WAC: variants seen among roughly 807,000 people sequenced by gnomAD.
WAC encodes WW domain containing adaptor with coiled-coil.
Under a neutral mutation model 79.6 loss-of-function variants are expected in WAC, and 11 were observed. That is an observed-to-expected ratio of 0.14 (90% CI 0.09 to 0.23). The LOEUF is 0.23. WAC is among the 10% of genes least tolerant of loss of function. The pLI is 1.00. For missense variants in WAC, 728 were observed against 773.5 expected (o/e 0.94, Z 0.70); for synonymous variants, 304 against 276.9 (o/e 1.10, Z -0.97).
chr10:28,542,617 T>G (rs1473949765), intron 3 of WAC, among the ~76,000 whole-genome samples: 1 of 152,170 alleles, frequency 6.6e-6, no homozygotes, highest in African/African-American at 2.4e-5. Flanking sequence ...TACTGTAAAG[T>G]GATGGATGGA....
chr10:28,615,952 G>A (rs914644632), intron 11 of WAC: 13 of 413,636 alleles, frequency 3.1e-5, no homozygotes, highest in African/African-American at 1.8e-4. Context: ...GTTTACATTT[G>A]ACTCTGACAG....
At chr10:28,563,791 G>C (rs1044775445) in intron 3 of WAC, among the ~76,000 whole-genome samples, 4 of 110,732 alleles carry the variant, frequency 3.6e-5, no homozygotes, top group Non-Finnish European at 7.7e-5. Context: ...TAGTAGAGAC[G>C]GGGTTTCAAC....
rs1294218424 is a variant in WAC at position 28,611,145 on chromosome 10, A to G, written c.1288+324A>G. Reference sequence around the variant, plus strand: ...GAAAGTAAACTATGATGTGCCATATATCTTTGTGAAACATTGCATGTATTT... The same window carrying G: ...GAAAGTAAACTATGATGTGCCATATGTCTTTGTGAAACATTGCATGTATTT... On this transcript the variant is annotated intron_variant, in intron 9 of 13. Coordinates refer to ENST00000354911, the MANE Select transcript of WAC (RefSeq NM_016628.5). The G allele has an allele frequency of 5.5e-6, 4 of 731,810 alleles. No individual in the cohort carries two copies. In the Admixed American group the frequency reaches 1.2e-4, roughly 22 times the overall value. 45.3% of individuals were successfully genotyped at this position (731,810 alleles called of 1,614,324 possible).
chr10:28,560,062 C>A (rs1317355604), intron 3 of WAC, among the ~76,000 whole-genome samples: 1 of 152,128 alleles, frequency 6.6e-6, no homozygotes, highest in South Asian at 2.1e-4. Context: ...AAGAATAAGG[C>A]CAGGCGTGGT....
At chr10:28,612,029 T>A (rs1283092658) in intron 10 of WAC, 107 bp downstream of exon 10, 2 of 1,352,794 alleles carry the variant, frequency 1.5e-6, no homozygotes, top group African/African-American at 2.9e-5. Flanking sequence ...TGAGGTGTAG[T>A]GGTGGAATGA....
chr10:28,558,361 G>A (rs913191991), intron 3 of WAC, among the ~76,000 whole-genome samples: 3 of 152,152 alleles, frequency 2.0e-5, no homozygotes, highest in South Asian at 2.1e-4. Flanking sequence ...TAGGGTAAAT[G>A]CAGAAGCAGC....
rs1430134135 is a variant in WAC, at chr10:28,533,443, G to A, written c.-137G>A. On this transcript the variant is annotated 5_prime_UTR_variant, in exon 1 of 14. Transcript: ENST00000354911. ...GCGCCGGCGCCAGTAACTGGGAGCT[G>A]ATGAGAGTCGCCGAGGGCGCGCCGG... is the stretch of plus-strand genomic sequence containing the variant. The A allele has an allele frequency of 7.4e-6, 2 of 269,244 alleles. No homozygotes were observed. Among genetic ancestry groups the A allele is most frequent in the Admixed American group, 6.5e-5 (1 of 15,314 alleles). 16.7% of individuals were successfully genotyped at this position (269,244 alleles called of 1,614,324 possible).
At chr10:28,562,193 A>G (rs1838335890) in intron 3 of WAC, among the ~76,000 whole-genome samples, 1 of 152,046 alleles carries the variant, frequency 6.6e-6, no homozygotes, top group South Asian at 2.1e-4. Flanking sequence ...AGTAGCTGGG[A>G]TTGTAGGTGT....
At position 28,548,913 on chromosome 10, in the gene WAC, CAG is replaced by C. The variant is rs1410482744; in HGVS notation, c.274+13159_274+13160del. On this transcript the variant is annotated intron_variant, in intron 3 of 13. Coordinates refer to ENST00000354911, the MANE Select transcript of WAC (RefSeq NM_016628.5). The stretch of plus-strand genomic sequence containing the variant: ...TTTTGGTTTGGTTTTGTTTTTGAGG[CAG>C]AGTCTTGTCCTGTCACCCAGGCTGA... Among the ~76,000 whole-genome samples the C allele has an allele frequency of 7.9e-5, 12 of 152,106 alleles. 1 individual carries two copies. The East Asian group carries it at 2.3e-3, about 29-fold the overall frequency.
intron 9 of WAC, 128 bp downstream of exon 9, chr10:28,610,949 A>C (rs896965891): frequency 3.5e-6 from 4 of 1,135,434 alleles, no homozygotes; most frequent in Non-Finnish European, 3.6e-6. Flanking sequence ...TAGCTACAAT[A>C]ATTTTGTTTT....
chr10:28,575,904 A>G (rs1412823649), intron 3 of WAC, among the ~76,000 whole-genome samples: 1 of 152,162 alleles, frequency 6.6e-6, no homozygotes, highest in Non-Finnish European at 1.5e-5. Context: ...CTCATAATGT[A>G]TTTTTACTGT....
intron 10 of WAC, among the ~76,000 whole-genome samples, chr10:28,612,930 T>C (rs1841310204): frequency 6.6e-6 from 1 of 152,172 alleles, no homozygotes. Context: ...AAATAGTGGT[T>C]AAAAGTGAAA....
intron 7 of WAC, among the ~76,000 whole-genome samples, chr10:28,598,057 C>T (rs1840469184): frequency 6.6e-6 from 1 of 152,200 alleles, no homozygotes; most frequent in African/African-American, 2.4e-5. Context: ...TGCGAGCCAC[C>T]GTACCTGGCC....
intron 3 of WAC, among the ~76,000 whole-genome samples, chr10:28,574,537 G>A (rs1204823242): frequency 6.6e-6 from 1 of 151,948 alleles, no homozygotes; most frequent in Non-Finnish European, 1.5e-5. Context: ...CTGCCTCCCG[G>A]GTTCTGGCGA....
intron 3 of WAC, among the ~76,000 whole-genome samples, chr10:28,553,566 T>G (rs1278420856): frequency 3.9e-5 from 6 of 152,176 alleles, no homozygotes; most frequent in Non-Finnish European, 8.8e-5. Context: ...CTCATGGTGT[T>G]GAAGAACAAA....
intron 3 of WAC, among the ~76,000 whole-genome samples, chr10:28,536,386 A>G (rs1267003947): frequency 6.6e-6 from 1 of 152,192 alleles, no homozygotes; most frequent in East Asian, 1.9e-4. Context: ...TAAAGATTTC[A>G]GTTTGAGATC....
intron 3 of WAC, among the ~76,000 whole-genome samples, chr10:28,550,261 A>G (rs1351591469): frequency 6.7e-6 from 1 of 149,260 alleles, no homozygotes; most frequent in Non-Finnish European, 1.5e-5. Flanking sequence ...TAATCTAGTC[A>G]TGTAAAAGCA....
chr10:28,598,104 C>T (rs1270289206), intron 7 of WAC, among the ~76,000 whole-genome samples: 1 of 152,160 alleles, frequency 6.6e-6, no homozygotes, highest in Admixed American at 6.6e-5. Flanking sequence ...TATCTTCTTA[C>T]CCAGTCTATC....
At chr10:28,603,989 G>A (rs528313) in intron 7 of WAC, among the ~76,000 whole-genome samples, 3,549 of 25,682 alleles carry the variant, frequency 0.14, 368 homozygotes, top group African/African-American at 0.31. Context: ...ATATATATAT[G>A]TATATATATA....
Sources: gnomAD v4.1 joint callset for allele counts (sites outside exome capture counted in the v4.1 genomes callset) on GRCh38, gnomAD v4.1.1 for gene constraint, MANE v1.5 for transcripts, NCBI Gene and HGNC (gene_info 2026-07-23, HGNC 2026-07-21) for gene names.